Variants in PDE9A observed in about 807,000 individuals in gnomAD.
PDE9A encodes high affinity cGMP-specific 3',5'-cyclic phosphodiesterase 9A.
Under a neutral mutation model 87.4 loss-of-function variants are expected in PDE9A, and 60 were observed. The observed-to-expected ratio is 0.69, with a 90% CI of 0.56 to 0.85. The LOEUF is 0.85. PDE9A is among the 40% of genes least tolerant of loss of function. The pLI, the probability that PDE9A is intolerant of heterozygous loss-of-function variation, is 0.00. For synonymous variants in PDE9A, 272 were observed against 279.4 expected (o/e 0.97, Z 0.27); for missense variants, 665 against 779.0 (o/e 0.85, Z 1.74).
At position 42,659,494 on chromosome 21, in the gene PDE9A, G is replaced by A. The variant is rs547056761; in HGVS notation, c.69+5611G>A. 1.2e-4 allele frequency among the ~76,000 whole-genome samples: 19 copies of A among 152,316 alleles called. No individual in the cohort carries two copies. Among genetic ancestry groups the A allele is most frequent in the South Asian group, 2.1e-4 (1 of 4,830 alleles). On this transcript the variant is annotated intron_variant, in intron 1 of 19. Coordinates refer to ENST00000291539, the MANE Select transcript of PDE9A (RefSeq NM_002606.3). This position sits in a 1 kb window ranked among gnomAD's most constrained non-coding sequence, Gnocchi z 4.1. Reference sequence around the variant, plus strand: ...AGTGGAGGCTCACTGTGCAGTCCACGCGGAGCAATGGGGTGAAGTTTCCAG... The same window carrying A: ...AGTGGAGGCTCACTGTGCAGTCCACACGGAGCAATGGGGTGAAGTTTCCAG...
intron 10 of PDE9A, among the ~76,000 whole-genome samples, chr21:42,755,845 G>A (rs1223612906): frequency 6.6e-6 from 1 of 152,388 alleles, no homozygotes; most frequent in African/African-American, 2.4e-5. Flanking sequence ...CCTGCTGGGA[G>A]GAAGAGCCAA....
intron 7 of PDE9A, among the ~76,000 whole-genome samples, chr21:42,734,902 C>A (rs1307263375): frequency 1.3e-5 from 2 of 152,216 alleles, no homozygotes; most frequent in African/African-American, 4.8e-5. Flanking sequence ...CTGTCACGGC[C>A]TGCTACCTGC....
chr21:42,656,105 G>A (rs1241986682), intron 1 of PDE9A, among the ~76,000 whole-genome samples: 1 of 152,158 alleles, frequency 6.6e-6, no homozygotes, highest in Non-Finnish European at 1.5e-5. Context: ...CCAGGCACTG[G>A]GTAAATCCTG....
chr21:42,693,210 G>T (rs886323297), intron 3 of PDE9A, among the ~76,000 whole-genome samples: 3 of 152,114 alleles, frequency 2.0e-5, no homozygotes, highest in African/African-American at 7.2e-5. Flanking sequence ...AAGCACACAC[G>T]CCTGCTCTTA....
chr21:42,715,251 G>A (rs1402662788), intron 4 of PDE9A, among the ~76,000 whole-genome samples: 2 of 140,118 alleles, frequency 1.4e-5, no homozygotes, highest in Non-Finnish European at 3.0e-5. Flanking sequence ...GCAAAATTGA[G>A]TGAAAAGTGT....
At chr21:42,717,576 G>A (rs2050070697) in intron 4 of PDE9A, among the ~76,000 whole-genome samples, 1 of 151,032 alleles carries the variant, frequency 6.6e-6, no homozygotes, top group Non-Finnish European at 1.5e-5. Context: ...ATTTTTAGTA[G>A]AGACGAGGTT....
At chr21:42,693,584 C>T (rs2059988094) in intron 3 of PDE9A, among the ~76,000 whole-genome samples, 1 of 149,460 alleles carries the variant, frequency 6.7e-6, no homozygotes, top group East Asian at 1.9e-4. Context: ...GCCACCGCGT[C>T]CTACTTTTTT....
intron 1 of PDE9A, among the ~76,000 whole-genome samples, chr21:42,666,514 G>C (rs548331507): frequency 1.3e-5 from 2 of 152,126 alleles, no homozygotes; most frequent in Non-Finnish European, 2.9e-5. Flanking sequence ...GTGTGCATCC[G>C]GCGTCACAAA....
At position 42,675,123 on chromosome 21, in the gene PDE9A, G is replaced by A. The variant is rs2058777565; in HGVS notation, c.70-11069G>A. On this transcript the variant is annotated intron_variant, in intron 1 of 19. Transcript: ENST00000291539. The surrounding 1 kb of genome is among the most constrained non-coding windows in gnomAD (Gnocchi z 4.3). ...TAGGAGTGTGTAAGTGCGTGTAAGT[G>A]TGTGTCTGGCTTTCTTTCACATAAT... 6.6e-6 allele frequency among the ~76,000 whole-genome samples: 1 copy of A among 152,228 alleles called. No individual in the cohort carries two copies. The highest frequency in any genetic ancestry group is 1.5e-5 in the Non-Finnish European group (1 of 68,042).
In PDE9A at chr21:42,692,889, C is replaced by T. The variant is rs1442772393; in HGVS notation, c.218+4895C>T. ...TCCTCGCACTCTTCCTGCACCGGAGCCGCGGTGCGAGGCCTCGGGAATGCT... is the reference window on the plus strand; with the variant it reads ...TCCTCGCACTCTTCCTGCACCGGAGTCGCGGTGCGAGGCCTCGGGAATGCT... On this transcript the variant is annotated intron_variant, in intron 3 of 19. Coordinates refer to ENST00000291539, the MANE Select transcript of PDE9A (RefSeq NM_002606.3). This position sits in a 1 kb window ranked among gnomAD's most constrained non-coding sequence, Gnocchi z 4.3. Among the ~76,000 whole-genome samples the T allele has an allele frequency of 6.6e-6, 1 of 152,226 alleles. No homozygotes were observed. Among genetic ancestry groups the T allele is most frequent in the Non-Finnish European group, 1.5e-5 (1 of 68,034 alleles).
chr21:42,713,322 CAG>C, intron 4 of PDE9A, among the ~76,000 whole-genome samples: 1 of 152,198 alleles, frequency 6.6e-6, no homozygotes, highest in Non-Finnish European at 1.5e-5. Context: ...TTAGTAGAGA[CAG>C]GGTTTCACCA....
At chr21:42,688,133 C>G (rs13047947) in intron 3 of PDE9A, 139 bp downstream of exon 3, 118,166 of 730,018 alleles carry the variant, frequency 0.16, 10,552 homozygotes, top group East Asian at 0.33. Flanking sequence ...GGGTAGGAGC[C>G]AGTGTGAAGG....
At chr21:42,716,116 T>C (rs2049898222) in intron 4 of PDE9A, among the ~76,000 whole-genome samples, 1 of 151,926 alleles carries the variant, frequency 6.6e-6, no homozygotes, top group Non-Finnish European at 1.5e-5. Flanking sequence ...TATCACAGTT[T>C]ATTTGCCCAC....
chr21:42,760,767 CCCCAT>C lies in PDE9A; in HGVS notation c.1003-53_1003-49del. 1 of 948,960 alleles carries C rather than the reference CCCCAT, an allele frequency of 1.1e-6. No homozygotes were observed. The highest frequency in any genetic ancestry group is 1.7e-6 in the Non-Finnish European group (1 of 576,282). 58.8% of individuals were successfully genotyped at this position (948,960 alleles called of 1,614,324 possible). Reference sequence around the variant, plus strand: ...ACTCACCCAATTCCACCCCCCCTCACCCCATCCCACCCTCCGAGTGAAGAGAGCAA... The same window carrying C: ...ACTCACCCAATTCCACCCCCCCTCACCCCACCCTCCGAGTGAAGAGAGCAA... On this transcript the variant is annotated intron_variant, in intron 12 of 19. Transcript: ENST00000291539. This position sits in a 1 kb window ranked among gnomAD's most constrained non-coding sequence, Gnocchi z 5.2.
chr21:42,760,867 G>A lies in PDE9A; in HGVS notation c.1045G>A (p.Ala349Thr), dbSNP rs751535152. ...GGATATCCTGATCCTAATGACAGCG[G>A]CCATCTGCCACGATCTGGACCATCC... is the stretch of plus-strand genomic sequence containing the variant. ...QTDILILMTA[A>T]ICHDLDHPGY... Residue 349 changes from alanine (A) to threonine (T), a missense_variant, in exon 13 of 20, where the codon GCC becomes ACC. By Grantham distance (58) the Ala-to-Thr change is moderately conservative. Transcript: ENST00000291539. The surrounding 1 kb of genome is among the most constrained non-coding windows in gnomAD (Gnocchi z 5.2). 1.1e-5 allele frequency: 18 copies of A among 1,612,182 alleles called. No homozygotes were observed. The highest frequency in any genetic ancestry group is 5.0e-5 in the Admixed American group (3 of 60,004).
chr21:42,772,457 A>T lies in PDE9A; in HGVS notation c.1705A>T (p.Ser569Cys). The part of the protein sequence containing the change: ...AMKELQKKTD[S>C]LTSGATEKSR... Reference sequence around the variant, plus strand: ...GTTCCAGTTACAGAAGAAGACTGACAGCTTGACGTCTGGGGCCACCGAGAA... The same window carrying T: ...GTTCCAGTTACAGAAGAAGACTGACTGCTTGACGTCTGGGGCCACCGAGAA... The change falls in exon 19 of 20, where the codon AGC (serine) becomes TGC (cysteine). Residue 569 changes from serine (S) to cysteine (C), a missense_variant. Coordinates refer to ENST00000291539, the MANE Select transcript of PDE9A (RefSeq NM_002606.3). 1 of 1,606,688 alleles carries T rather than the reference A, an allele frequency of 6.2e-7. No homozygotes were observed. Among genetic ancestry groups the T allele is most frequent in the Non-Finnish European group, 8.5e-7 (1 of 1,177,056 alleles).
In PDE9A at chr21:42,686,142, A is replaced by G. The variant is rs776267911; in HGVS notation, c.70-50A>G. On this transcript the variant is annotated intron_variant, in intron 1 of 19. Transcript: ENST00000291539. Reference sequence around the variant, plus strand: ...GAAGCACGTGGCGTCTGACGTCTCCAGGGAGACCCGCCGCCCTCGCTGCCG... The same window carrying G: ...GAAGCACGTGGCGTCTGACGTCTCCGGGGAGACCCGCCGCCCTCGCTGCCG... 7 of 1,438,536 alleles carry G rather than the reference A, an allele frequency of 4.9e-6. No individual in the cohort carries two copies. The Admixed American group carries it at 8.4e-5, about 17-fold the overall frequency. The allele number at this position is 1,438,536 out of a possible 1,614,324, so 89.1% of individuals were successfully genotyped here. A position where few individuals can be genotyped will look rare whatever the true frequency, so the allele number is the denominator to read the frequency against.
intron 3 of PDE9A, among the ~76,000 whole-genome samples, chr21:42,688,687 C>T (rs768714476): frequency 2.0e-5 from 3 of 152,164 alleles, no homozygotes; most frequent in Non-Finnish European, 4.4e-5. Context: ...GAGCTGGGGG[C>T]GGGGCGTGCG....
chr21:42,726,969 A>G (rs1399593654), intron 4 of PDE9A, among the ~76,000 whole-genome samples: 1 of 151,568 alleles, frequency 6.6e-6, no homozygotes, highest in Admixed American at 6.6e-5. Context: ...CATAAGTCTC[A>G]AAAATAAGAT....
Sources: allele counts gnomAD v4.1 joint callset (sites outside exome capture counted in the v4.1 genomes callset), GRCh38; gene constraint gnomAD v4.1.1; non-coding constraint Gnocchi (gnomAD v3.1); transcripts MANE v1.5; gene names NCBI Gene and HGNC (gene_info 2026-07-23, HGNC 2026-07-21).